The following PSMC5 variants were observed in gnomAD, a reference collection of about 807,000 sequenced individuals.
PSMC5 encodes proteasome 26S subunit, ATPase 5.
Under a neutral mutation model 49.1 loss-of-function variants are expected in PSMC5, and 11 were observed. That is an observed-to-expected ratio of 0.22 (90% confidence interval 0.14 to 0.37). The LOEUF is 0.37. PSMC5 is among the 10% of genes least tolerant of loss of function. PSMC5 has a pLI of 1.00. For synonymous variants in PSMC5, 206 were observed against 192.2 expected, an observed-to-expected ratio of 1.07 and a Z score of -0.59; for missense variants, 229 against 520.9, an observed-to-expected ratio of 0.44 and a Z score of 5.45.
At position 63,829,931 on chromosome 17, in the gene PSMC5, G is replaced by A; in HGVS notation, c.246G>A (p.Lys82=). The change falls in exon 4 of 12, where the codon AAG becomes AAA. Residue 82 remains lysine, a synonymous_variant. Transcript: ENST00000310144. ...GGGAAGTAGTCCGGGCCATGGATAA[G>A]AAGAAAGTGTTGGTCAAGGTAAAAG... ...YVGEVVRAMD[K]KKVLVKVHPE... 5 of 1,611,562 alleles carry A rather than the reference G, an allele frequency of 3.1e-6. 1 individual carries two copies. Among genetic ancestry groups the A allele is most frequent in the Non-Finnish European group, 2.5e-6 (3 of 1,178,812 alleles).
chr17:63,829,246 C>T, intron 2 of PSMC5: 1 of 420,004 alleles, frequency 2.4e-6, no homozygotes, highest in African/African-American at 2.0e-5. Flanking sequence ...TAACTTTTCT[C>T]CATTAGATTC....
At chr17:63,827,869 A>C in intron 1 of PSMC5, 1 of 1,430,254 alleles carries the variant, frequency 7.0e-7, no homozygotes, top group South Asian at 1.5e-5. Flanking sequence ...ACGCAGTGCA[A>C]AGCGCCCCCC....
intron 2 of PSMC5, chr17:63,828,465 C>T (rs563222489): frequency 5.7e-6 from 2 of 352,194 alleles, no homozygotes; most frequent in African/African-American, 2.1e-5. Flanking sequence ...AGTAAAGGTA[C>T]CTCTAGCCAA....
chr17:63,829,367 T>G lies in PSMC5; in HGVS notation c.97-127T>G, dbSNP rs140574191. The stretch of plus-strand genomic sequence containing the variant: ...GTCATTAGGATCATACTGGAGAATC[T>G]GAAACAACATGCAGGTGCCCTGTGC... On this transcript the variant is annotated intron_variant, in intron 2 of 11. Coordinates refer to ENST00000310144, the MANE Select transcript of PSMC5 (RefSeq NM_002805.6). 7.5e-3 allele frequency: 6,001 copies of G among 801,180 alleles called. 41 individuals carry two copies. Among genetic ancestry groups the G allele is most frequent in the Non-Finnish European group, 9.6e-3 (4,603 of 477,022 alleles). The allele number at this position is 801,180 out of a possible 1,614,324, so 49.6% of individuals were successfully genotyped here.
chr17:63,830,963 A>T lies in PSMC5; in HGVS notation c.679+28A>T. The T allele has an allele frequency of 6.2e-7, 1 of 1,613,892 alleles. No individual in the cohort carries two copies. The highest frequency in any genetic ancestry group is 8.5e-7 in the Non-Finnish European group (1 of 1,179,892). ...AACCATGGCTAGCAATGTGAGAAGC[A>T]AGAGGTAGGGGTAGGGGGTTAGAGA... is the stretch of plus-strand genomic sequence containing the variant. On this transcript the variant is annotated intron_variant, in intron 7 of 11. Coordinates refer to ENST00000310144, the MANE Select transcript of PSMC5 (RefSeq NM_002805.6). The surrounding 1 kb of genome is among the most constrained non-coding windows in gnomAD (Gnocchi z 4.0).
intron 2 of PSMC5, chr17:63,829,252 G>T (rs2040151447): frequency 2.3e-6 from 1 of 431,490 alleles, no homozygotes; most frequent in Non-Finnish European, 4.2e-6. Flanking sequence ...TTCTCCATTA[G>T]ATTCTGTTAC....
Position 63,831,684 on chromosome 17 carries a change from G to A in PSMC5, c.1081-40G>A, listed in dbSNP as rs1166235920. On this transcript the variant is annotated intron_variant, in intron 10 of 11. Coordinates refer to ENST00000310144, the MANE Select transcript of PSMC5 (RefSeq NM_002805.6). This position sits in a 1 kb window ranked among gnomAD's most constrained non-coding sequence, Gnocchi z 6.3. ...TCTGGGCTCAAGGGCCACAGATGAG[G>A]GGCACAGCAGTGGGGCCTCAATTTC... 6.2e-7 allele frequency: 1 copy of A among 1,612,928 alleles called. No homozygotes were observed. The highest frequency in any genetic ancestry group is 1.3e-5 in the African/African-American group (1 of 74,896).
Position 63,830,003 on chromosome 17 carries a change from C to T in PSMC5, c.264+54C>T, listed in dbSNP as rs917415533. 44 of 1,572,346 alleles carry T rather than the reference C, an allele frequency of 2.8e-5. No homozygotes were observed. The African/African-American group carries it at 4.3e-4, about 15-fold the overall frequency. On this transcript the variant is annotated intron_variant, in intron 4 of 11. Coordinates refer to ENST00000310144, the MANE Select transcript of PSMC5 (RefSeq NM_002805.6). This position sits in a 1 kb window ranked among gnomAD's most constrained non-coding sequence, Gnocchi z 4.0. ...CTCGGTCTCCACTGCATTCCCACCC[C>T]TTTGTGTGTAGCCTCGGGAGACAGG...
intron 3 of PSMC5, 27 bp downstream of exon 3, chr17:63,829,590 A>T (rs1440362162): frequency 1.3e-6 from 2 of 1,551,070 alleles, no homozygotes; most frequent in East Asian, 2.4e-5. Context: ...GGGAAGCCGC[A>T]TGTGGGCAGT....
chr17:63,828,219 G>C lies in PSMC5; in HGVS notation c.96+10G>C. 1 of 1,613,864 alleles carries C rather than the reference G, an allele frequency of 6.2e-7. No homozygotes were observed. Among genetic ancestry groups the C allele is most frequent in the Non-Finnish European group, 8.5e-7 (1 of 1,179,808 alleles). On this transcript the variant is annotated intron_variant, in intron 2 of 11. Coordinates refer to ENST00000310144, the MANE Select transcript of PSMC5 (RefSeq NM_002805.6). The stretch of plus-strand genomic sequence containing the variant: ...GATTGAAGAACTCCAGGTGAGGACG[G>C]ACTCCAGAGGGAGCTAGGAAGGGTG...
In PSMC5 at chr17:63,831,023, G is replaced by C; in HGVS notation, c.680-13G>C. On this transcript the variant is annotated splice_polypyrimidine_tract_variant and intron_variant, in intron 7 of 11. Coordinates refer to ENST00000310144, the MANE Select transcript of PSMC5 (RefSeq NM_002805.6). This position sits in a 1 kb window ranked among gnomAD's most constrained non-coding sequence, Gnocchi z 6.3. ...CTAATAAGCTCCCTAACACCAGCTC[G>C]GCCTCCACACAGGGGCAAGAATGGT... 1 of 1,588,954 alleles carries C rather than the reference G, an allele frequency of 6.3e-7. No homozygotes were observed. The highest frequency in any genetic ancestry group is 8.6e-7 in the Non-Finnish European group (1 of 1,165,562).
At chr17:63,827,580 T>G (rs893199680) in intron 1 of PSMC5, 66 bp downstream of exon 1, 91 of 1,548,912 alleles carry the variant, frequency 5.9e-5, no homozygotes, top group Non-Finnish European at 7.5e-5. Flanking sequence ...GTGATCTGAG[T>G]GGAGAGCGGG....
At position 63,829,521 on chromosome 17, in the gene PSMC5, C is replaced by T. The variant is rs1019690643; in HGVS notation, c.124C>T (p.Leu42Phe). 1.3e-6 allele frequency: 2 copies of T among 1,555,668 alleles called. No homozygotes were observed. Among genetic ancestry groups the T allele is most frequent in the African/African-American group, 2.7e-5 (2 of 73,164 alleles). ...GATTGTGAATGATAAGAGCCAAAAC[C>T]TCCGGAGGCTGCAGGCACAGAGGAA... ...QLIVNDKSQNLRRLQAQRNEL... is the reference protein window; with the variant it reads ...QLIVNDKSQNFRRLQAQRNEL... Residue 42 changes from leucine (L) to phenylalanine (F), a missense_variant, in exon 3 of 12, where the codon CTC becomes TTC. Transcript: ENST00000310144.
Position 63,830,016 on chromosome 17 carries a change from C to G in PSMC5, c.264+67C>G. 1 of 1,563,668 alleles carries G rather than the reference C, an allele frequency of 6.4e-7. No homozygotes were observed. The highest frequency in any genetic ancestry group is 1.4e-5 in the African/African-American group (1 of 73,720). On this transcript the variant is annotated intron_variant, in intron 4 of 11. Coordinates refer to ENST00000310144, the MANE Select transcript of PSMC5 (RefSeq NM_002805.6). This position sits in a 1 kb window ranked among gnomAD's most constrained non-coding sequence, Gnocchi z 4.0. ...GCATTCCCACCCCTTTGTGTGTAGC[C>G]TCGGGAGACAGGGTTCTGTGTTCTG...
intron 1 of PSMC5, 80 bp downstream of exon 1, chr17:63,827,594 G>A (rs1260880691): frequency 6.5e-6 from 10 of 1,550,350 alleles, no homozygotes; most frequent in Non-Finnish European, 8.7e-6. Context: ...GAGCGGGCCG[G>A]GGCAGGAGCG....
In PSMC5 at chr17:63,830,814, G is replaced by A. The variant is rs752601312; in HGVS notation, c.558G>A (p.Val186=). ...EALGIAQPKG[V]LLYGPPGTGK... is the part of the protein sequence containing the mutation. ...GTCCTGCTGTTCCCCTGTAGGGAGT[G>A]CTGCTGTATGGACCTCCAGGCACTG... Residue 186 remains valine (V), a synonymous_variant, in exon 7 of 12, where the codon GTG becomes GTA. Coordinates refer to ENST00000310144, the MANE Select transcript of PSMC5 (RefSeq NM_002805.6). The surrounding 1 kb of genome is among the most constrained non-coding windows in gnomAD (Gnocchi z 4.0). 17 of 1,613,972 alleles carry A rather than the reference G, an allele frequency of 1.1e-5. No individual in the cohort carries two copies. Among genetic ancestry groups the A allele is most frequent in the Non-Finnish European group, 1.4e-5 (16 of 1,179,996 alleles).
Position 63,830,763 on chromosome 17 carries a change from A to G in PSMC5, c.553-46A>G. Reference sequence around the variant, plus strand: ...ACTCGGTAAATGTTCACTGAATGAAATGAGGGGTGTAGCTTTCTGCCCTGA... The same window carrying G: ...ACTCGGTAAATGTTCACTGAATGAAGTGAGGGGTGTAGCTTTCTGCCCTGA... On this transcript the variant is annotated intron_variant, in intron 6 of 11. Coordinates refer to ENST00000310144, the MANE Select transcript of PSMC5 (RefSeq NM_002805.6). This position sits in a 1 kb window ranked among gnomAD's most constrained non-coding sequence, Gnocchi z 4.0. 1 of 1,608,272 alleles carries G rather than the reference A, an allele frequency of 6.2e-7. No individual in the cohort carries two copies. The highest frequency in any genetic ancestry group is 8.5e-7 in the Non-Finnish European group (1 of 1,176,950).
chr17:63,831,303 T>A lies in PSMC5; in HGVS notation c.871-24T>A. The A allele has an allele frequency of 6.2e-7, 1 of 1,613,328 alleles. No homozygotes were observed. The highest frequency in any genetic ancestry group is 8.5e-7 in the Non-Finnish European group (1 of 1,179,622). On this transcript the variant is annotated intron_variant, in intron 8 of 11. Coordinates refer to ENST00000310144, the MANE Select transcript of PSMC5 (RefSeq NM_002805.6). The surrounding 1 kb of genome is among the most constrained non-coding windows in gnomAD (Gnocchi z 6.3). ...CAGGCTGAGGAAGAGGTTTAGCTGATCCCCACTTGCTTTCTCTGCTCAGGT... is the reference window on the plus strand; with the variant it reads ...CAGGCTGAGGAAGAGGTTTAGCTGAACCCCACTTGCTTTCTCTGCTCAGGT...
At position 63,831,573 on chromosome 17, in the gene PSMC5, A is replaced by G; in HGVS notation, c.1037A>G (p.Lys346Arg). Residue 346 changes from lysine (K) to arginine (R), a missense_variant, in exon 10 of 12, where the codon AAA becomes AGA. By Grantham distance (26) the Lys-to-Arg change is conservative. This residue lies in a region of PSMC5 where 121 missense variants were observed against 330.6 expected (regional missense o/e 0.37). Coordinates refer to ENST00000310144, the MANE Select transcript of PSMC5 (RefSeq NM_002805.6). This position sits in a 1 kb window ranked among gnomAD's most constrained non-coding sequence, Gnocchi z 6.3. Reference sequence around the variant, plus strand: ...CTGACCCGGGGGATCAACCTGAGAAAAATTGCTGAGCTCATGCCAGGAGCA... The same window carrying G: ...CTGACCCGGGGGATCAACCTGAGAAGAATTGCTGAGCTCATGCCAGGAGCA... The part of the protein sequence containing the change: ...MNLTRGINLR[K>R]IAELMPGASG... 1 of 1,614,164 alleles carries G rather than the reference A, an allele frequency of 6.2e-7. No homozygotes were observed. The highest frequency in any genetic ancestry group is 8.5e-7 in the Non-Finnish European group (1 of 1,180,030).
Sources: gnomAD v4.1 joint callset for allele counts on GRCh38, gnomAD v4.1.1 for gene constraint, gnomAD v4.1.1 regional missense constraint, Gnocchi (gnomAD v3.1) non-coding constraint, MANE v1.5 for transcripts, NCBI Gene and HGNC (gene_info 2026-07-23, HGNC 2026-07-21) for gene names.